Variants in CUL2 observed in about 807,000 individuals in gnomAD.
The protein encoded by CUL2 is cullin-2.
A neutral mutation model predicts 110.2 loss-of-function variants in CUL2; 22 were observed. That is an observed-to-expected ratio of 0.20 (90% CI 0.14 to 0.28). CUL2 has a LOEUF of 0.28. CUL2 is among the 10% of genes least tolerant of loss of function. The pLI is 1.00. For missense variants in CUL2, 631 were observed against 905.5 expected (o/e 0.70, Z 3.89); for synonymous variants, 279 against 293.2 (o/e 0.95, Z 0.49).
chr10:35,121,816 A>T (rs2087681441), intron 1 of CUL2, among the ~76,000 whole-genome samples: 1 of 152,046 alleles, frequency 6.6e-6, no homozygotes, highest in African/African-American at 2.4e-5. Flanking sequence ...TCTCAAAAAA[A>T]AAAAAAAAAA....
chr10:35,100,737 G>A (rs2087364732), intron 2 of CUL2: 1 of 138,116 alleles, frequency 7.2e-6, no homozygotes, highest in Non-Finnish European at 1.5e-5. Context: ...ACTCCAACCT[G>A]GGAGACAGAG....
At chr10:35,125,684 G>A (rs1219399292) in intron 1 of CUL2, among the ~76,000 whole-genome samples, 4 of 152,294 alleles carry the variant, frequency 2.6e-5, no homozygotes, top group African/African-American at 7.2e-5. Context: ...ATATTATAAC[G>A]AAATGAAAAC....
intron 1 of CUL2, among the ~76,000 whole-genome samples, chr10:35,111,285 T>G (rs2135128894): frequency 6.6e-6 from 1 of 151,762 alleles, no homozygotes; most frequent in African/African-American, 2.4e-5. Flanking sequence ...CGGGTTCTGG[T>G]TCTGTTGCCC....
chr10:35,081,405 G>A (rs2086944684), intron 1 of CUL2, among the ~76,000 whole-genome samples: 1 of 151,924 alleles, frequency 6.6e-6, no homozygotes, highest in Non-Finnish European at 1.5e-5. Flanking sequence ...CTCATTTTTT[G>A]TTCAATAATC....
At chr10:35,060,680 A>G (rs1336846500) in intron 4 of CUL2, among the ~76,000 whole-genome samples, 194 bp downstream of exon 4, 1 of 152,226 alleles carries the variant, frequency 6.6e-6, no homozygotes, top group Admixed American at 6.5e-5. Flanking sequence ...AACGTTCCAC[A>G]CACTCCCTGG....
rs900465575 is a variant in CUL2, at chr10:35,029,909, C to T, written c.1387-269G>A. Among the ~76,000 whole-genome samples the T allele has an allele frequency of 4.6e-5, 7 of 152,290 alleles. 1 individual carries two copies. Among genetic ancestry groups the T allele is most frequent in the Admixed American group, 3.9e-4 (6 of 15,296 alleles). ...CCCCTTAAACAAAAACTTTTTTATA[C>T]ATTCATCTCTTATTTCAGCACTGCA... On this transcript the variant is annotated intron_variant, in intron 14 of 20. Coordinates refer to ENST00000374749, the MANE Select transcript of CUL2 (RefSeq NM_003591.4).
chr10:35,013,681 G>C lies in CUL2; in HGVS notation c.1989+18C>G. The C allele has an allele frequency of 1.3e-6, 2 of 1,494,268 alleles. No homozygotes were observed. Among genetic ancestry groups the C allele is most frequent in the Non-Finnish European group, 1.8e-6 (2 of 1,093,842 alleles). The allele number at this position is 1,494,268 out of a possible 1,614,324, so 92.6% of individuals were successfully genotyped here. A position where few individuals can be genotyped will look rare whatever the true frequency, so the allele number is the denominator to read the frequency against. On this transcript the variant is annotated intron_variant, in intron 19 of 20. Transcript: ENST00000374749. ...AATGTTTCCCCCTCAAAAAAAACTT[G>C]ACATTAAAAGCACTTACTTGTGGTG...
Position 35,008,848 on chromosome 10 carries a change from A to C in CUL2, c.*1463T>G, listed in dbSNP as rs761090783. 2 of 152,176 alleles carry C rather than the reference A, an allele frequency of 1.3e-5. No homozygotes were observed. Among genetic ancestry groups the C allele is most frequent in the Admixed American group, 6.5e-5 (1 of 15,272 alleles). The allele number at this position is 152,176 out of a possible 1,614,324, so 9.4% of individuals were successfully genotyped here. ...ATTATTGTTTTTGTTAGGAGTAATA[A>C]TATCACTGTGGATTTTTTAAAGGCC... is the stretch of plus-strand genomic sequence containing the variant. On this transcript the variant is annotated 3_prime_UTR_variant, in exon 21 of 21. Coordinates refer to ENST00000374749, the MANE Select transcript of CUL2 (RefSeq NM_003591.4).
intron 14 of CUL2, among the ~76,000 whole-genome samples, chr10:35,029,978 T>C (rs1307682879): frequency 6.6e-6 from 1 of 152,228 alleles, no homozygotes; most frequent in Admixed American, 6.5e-5. Flanking sequence ...AAGGATTTTA[T>C]GTTGTGTTTT....
chr10:35,048,596 G>T (rs768227042), intron 6 of CUL2, among the ~76,000 whole-genome samples: 7 of 152,164 alleles, frequency 4.6e-5, no homozygotes, highest in Non-Finnish European at 1.5e-5. Context: ...TAGAAGTTTT[G>T]TTGGGAGTGT....
chr10:35,126,170 G>T (rs2087808706), intron 1 of CUL2, among the ~76,000 whole-genome samples: 1 of 151,978 alleles, frequency 6.6e-6, no homozygotes, highest in African/African-American at 2.4e-5. Context: ...TGTTCCCTAG[G>T]CTGGTCTCCT....
chr10:35,110,890 G>C (rs369347102), intron 1 of CUL2, among the ~76,000 whole-genome samples: 85 of 152,276 alleles, frequency 5.6e-4, no homozygotes, highest in Admixed American at 1.4e-3. Flanking sequence ...TGAGGTACTA[G>C]AGGTTGAGAC....
At chr10:35,072,300 G>T (rs1399467023) in intron 1 of CUL2, among the ~76,000 whole-genome samples, 1 of 151,484 alleles carries the variant, frequency 6.6e-6, no homozygotes, top group Admixed American at 6.6e-5. Context: ...GATTCTTGGG[G>T]TATCTACCTC....
chr10:35,059,458 A>ATT lies in CUL2; in HGVS notation c.317+1414_317+1415dup, dbSNP rs11446830. On this transcript the variant is annotated intron_variant, in intron 4 of 20. Transcript: ENST00000374749. ...GCTGAAGGCTCAAATGATCAACAGC[A>ATT]TTTTTTTTAGCAATAAAGTAATTTT... 2.2e-4 allele frequency among the ~76,000 whole-genome samples: 34 copies of ATT among 151,930 alleles called. No individual in the cohort carries two copies. The East Asian group carries it at 5.2e-3, about 23-fold the overall frequency.
intron 1 of CUL2, among the ~76,000 whole-genome samples, chr10:35,080,763 CTAG>C (rs1332640901): frequency 2.6e-5 from 4 of 152,074 alleles, no homozygotes; most frequent in Admixed American, 1.3e-4. Context: ...CCTAGAATTT[CTAG>C]TAGGTTTTTT....
chr10:35,018,755 C>T (rs1366746013), intron 17 of CUL2, among the ~76,000 whole-genome samples: 21 of 111,442 alleles, frequency 1.9e-4, no homozygotes, highest in Non-Finnish European at 1.8e-5. Flanking sequence ...AAGAGCGAAA[C>T]TCCGTCTCAA....
At chr10:35,014,022 G>C (rs1315031279) in intron 18 of CUL2, among the ~76,000 whole-genome samples, 1 of 152,168 alleles carries the variant, frequency 6.6e-6, no homozygotes, top group Non-Finnish European at 1.5e-5. Flanking sequence ...AGAATCTTAA[G>C]CAGTTTATGT....
At chr10:35,085,818 C>T (rs1355771905) in intron 1 of CUL2, among the ~76,000 whole-genome samples, 1 of 151,484 alleles carries the variant, frequency 6.6e-6, no homozygotes, top group African/African-American at 2.4e-5. Context: ...ACAAACAGTG[C>T]AAACTTTTGT....
chr10:35,104,583 G>A (rs575200577), intron 1 of CUL2, among the ~76,000 whole-genome samples: 24 of 152,120 alleles, frequency 1.6e-4, no homozygotes, highest in Middle Eastern at 6.8e-3. Context: ...TTTTAGTTGT[G>A]TTAAGCATAG....
Sources: gnomAD v4.1 joint callset for allele counts (sites outside exome capture counted in the v4.1 genomes callset) on GRCh38, gnomAD v4.1.1 for gene constraint, MANE v1.5 for transcripts, NCBI Gene and HGNC (gene_info 2026-07-23, HGNC 2026-07-21) for gene names.